The following IRAK4 variants were observed in gnomAD, a reference collection of about 807,000 sequenced individuals.
IRAK4 encodes interleukin-1 receptor-associated kinase 4.
Under a neutral mutation model 51.8 loss-of-function variants are expected in IRAK4, and 44 were observed. The ratio of observed to expected loss-of-function variants is 0.85; its 90% CI spans 0.67 to 1.09. The LOEUF is 1.09. Ranked by LOEUF, IRAK4 falls within the 50% of genes least tolerant of loss-of-function variation. The probability of loss-of-function intolerance (pLI) is 0.00; values close to 1 mark genes in which losing one functional copy is unlikely to be tolerated. For synonymous variants in IRAK4, 149 were observed against 174.1 expected (o/e 0.86, Z 1.13); for missense variants, 487 against 538.0 (o/e 0.91, Z 0.94).
chr12:43,778,378 T>C (rs543029789), intron 8 of IRAK4, 76 bp downstream of exon 8: 10 of 815,636 alleles, frequency 1.2e-5, no homozygotes, highest in South Asian at 9.7e-5. Context: ...TCACGATTCA[T>C]ATGCAGGTCT....
At chr12:43,785,721 T>G (rs1034577620) in intron 10 of IRAK4, among the ~76,000 whole-genome samples, 34 of 151,356 alleles carry the variant, frequency 2.2e-4, no homozygotes, top group South Asian at 2.1e-4. Context: ...TTAGGCAGTT[T>G]CATTGTGTGA....
chr12:43,782,556 A>G, intron 9 of IRAK4, 66 bp downstream of exon 9: 2 of 1,278,994 alleles, frequency 1.6e-6, no homozygotes, highest in Non-Finnish European at 2.2e-6. Flanking sequence ...TGAAGAGAAT[A>G]TTATTTAATA....
intron 5 of IRAK4, among the ~76,000 whole-genome samples, chr12:43,773,290 C>G (rs4251475): frequency 0.039 from 5,880 of 152,208 alleles, 164 homozygotes; most frequent in East Asian, 0.1. Flanking sequence ...CAAGATCATA[C>G]ATACAATTTT....
At position 43,772,990 on chromosome 12, in the gene IRAK4, A is replaced by G. The variant is rs1171529817; in HGVS notation, c.569A>G (p.Asn190Ser). The change falls in exon 5 of 12, where the codon AAT becomes AGT. Residue 190 changes from asparagine to serine, a missense_variant. Transcript: ENST00000613694. ...FDERPISVGG[N>S]KMGEGGFGVV... is the part of the protein sequence containing the mutation. The stretch of plus-strand genomic sequence containing the variant: ...GAACGACCCATTTCTGTTGGTGGTA[A>G]TAAAATGGGAGAGGGAGGATTTGGA... The G allele has an allele frequency of 1.9e-6, 3 of 1,612,544 alleles. No homozygotes were observed. Among genetic ancestry groups the G allele is most frequent in the East Asian group, 2.2e-5 (1 of 44,786 alleles).
At chr12:43,783,173 G>A (rs117691154) in intron 9 of IRAK4, among the ~76,000 whole-genome samples, 529 of 152,186 alleles carry the variant, frequency 3.5e-3, no homozygotes, top group Non-Finnish European at 6.2e-3. Context: ...GGTGAGAAAT[G>A]CCCAAAGCTC....
Position 43,783,671 on chromosome 12 carries a change from GA to G in IRAK4, c.1138del (p.Ile380Ter). ...TTTTTTGTCTTCATAGGTTTTACTAGAAATAATAACTGGACTTCCAGCTGTG... is the reference window on the plus strand; with the variant it reads ...TTTTTTGTCTTCATAGGTTTTACTAGAATAATAACTGGACTTCCAGCTGTG... ...DIYSFGVVLL[E>X]IITGLPAVDE... On this transcript the variant is annotated frameshift_variant, in exon 10 of 12. Coordinates refer to ENST00000613694, the MANE Select transcript of IRAK4 (RefSeq NM_016123.4). LOFTEE classifies it high-confidence loss of function. 6.2e-7 allele frequency: 1 copy of G among 1,602,230 alleles called. No individual in the cohort carries two copies. The highest frequency in any genetic ancestry group is 8.5e-7 in the Non-Finnish European group (1 of 1,169,984).
chr12:43,760,084 G>A (rs1156715084), intron 1 of IRAK4, among the ~76,000 whole-genome samples: 2 of 152,148 alleles, frequency 1.3e-5, no homozygotes, highest in African/African-American at 4.8e-5. Flanking sequence ...TTCCTGCAGA[G>A]CGTTCATTTG....
chr12:43,786,633 G>A (rs950509911), intron 11 of IRAK4, 47 bp from the exon 12 acceptor site: 2 of 1,609,548 alleles, frequency 1.2e-6, no homozygotes, highest in African/African-American at 1.3e-5. Flanking sequence ...ATATTTTAAA[G>A]CAACTGTATA....
intron 8 of IRAK4, among the ~76,000 whole-genome samples, chr12:43,779,143 A>C (rs1941556466): frequency 6.6e-6 from 1 of 152,294 alleles, no homozygotes; most frequent in South Asian, 2.1e-4. Flanking sequence ...GCATGCCTAC[A>C]GTTCCAGACA....
rs985988880 is a variant in IRAK4 at position 43,785,816 on chromosome 12, C to T, written c.1189-583C>T. Among the ~76,000 whole-genome samples, 12 of 151,756 alleles carry T rather than the reference C, an allele frequency of 7.9e-5. No homozygotes were observed. In the East Asian group the frequency reaches 1.9e-3, roughly 24 times the overall value. On this transcript the variant is annotated intron_variant, in intron 10 of 11. Transcript: ENST00000613694. ...TATGGTATTGCTCCTAGGCTACAAA[C>T]GTATGCTATACAGCATAATACTCTC...
chr12:43,782,678 AT>A lies in IRAK4; in HGVS notation c.1125+193del, dbSNP rs537924616. On this transcript the variant is annotated intron_variant, in intron 9 of 11. Transcript: ENST00000613694. ...TCCAATGTGTAAAACTTTTGAGTTGATTTTTGAAATGACTACAAGAAATGAT... is the reference window on the plus strand; with the variant it reads ...TCCAATGTGTAAAACTTTTGAGTTGATTTTGAAATGACTACAAGAAATGAT... 3.2e-4 allele frequency among the ~76,000 whole-genome samples: 49 copies of A among 152,310 alleles called. No homozygotes were observed. In the East Asian group the frequency reaches 8.7e-3, roughly 27 times the overall value.
rs1942404158 is a variant in IRAK4 at position 43,789,212 on chromosome 12, T to C, written c.*2497T>C. ...TGGGGCCTGATGGGAAGTGTTTGGG[T>C]CATGGTGGATGATCCCTCATGAATG... On this transcript the variant is annotated 3_prime_UTR_variant, in exon 12 of 12. Transcript: ENST00000613694. 6.6e-6 allele frequency: 1 copy of C among 152,074 alleles called. No individual in the cohort carries two copies. Among genetic ancestry groups the C allele is most frequent in the African/African-American group, 2.4e-5 (1 of 41,376 alleles). 9.4% of individuals were successfully genotyped at this position (152,074 alleles called of 1,614,324 possible).
Position 43,779,899 on chromosome 12 carries a change from T to C in IRAK4, c.941+1597T>C, listed in dbSNP as rs147445601. On this transcript the variant is annotated intron_variant, in intron 8 of 11. Coordinates refer to ENST00000613694, the MANE Select transcript of IRAK4 (RefSeq NM_016123.4). ...TGTATTACTTGCATACAGGTGATAA[T>C]TGAAGTGACTGTATTCACTTGAGGG... 3.8e-3 allele frequency among the ~76,000 whole-genome samples: 577 copies of C among 152,256 alleles called. 5 individuals are homozygous for C. Among genetic ancestry groups the C allele is most frequent in the African/African-American group, 0.013 (549 of 41,538 alleles).
At position 43,786,906 on chromosome 12, in the gene IRAK4, C is replaced by T. The variant is rs879661524; in HGVS notation, c.*191C>T. The T allele has an allele frequency of 3.7e-5, 22 of 600,260 alleles. No homozygotes were observed. Among genetic ancestry groups the T allele is most frequent in the Non-Finnish European group, 5.9e-5 (20 of 339,894 alleles). The allele number at this position is 600,260 out of a possible 1,614,324, so 37.2% of individuals were successfully genotyped here. A position where few individuals can be genotyped will look rare whatever the true frequency, so the allele number is the denominator to read the frequency against. ...CCACCATATCAACACTTAGCCCTACCCATTAGTATCACCCCCAGTTCTTAC... is the reference window on the plus strand; with the variant it reads ...CCACCATATCAACACTTAGCCCTACTCATTAGTATCACCCCCAGTTCTTAC... On this transcript the variant is annotated 3_prime_UTR_variant, in exon 12 of 12. Transcript: ENST00000613694.
At chr12:43,778,422 T>C (rs1941489194) in intron 8 of IRAK4, 120 bp downstream of exon 8, 1 of 682,892 alleles carries the variant, frequency 1.5e-6, no homozygotes, top group African/African-American at 1.8e-5. Flanking sequence ...TTCCCATCAC[T>C]CCATGAAAGC....
Position 43,786,887 on chromosome 12 carries a change from T to C in IRAK4, c.*172T>C. ...CCAAAATATAAAAATAGAGCCACCA[T>C]ATCAACACTTAGCCCTACCCATTAG... On this transcript the variant is annotated 3_prime_UTR_variant, in exon 12 of 12. Coordinates refer to ENST00000613694, the MANE Select transcript of IRAK4 (RefSeq NM_016123.4). 1.6e-6 allele frequency: 1 copy of C among 627,304 alleles called. No individual in the cohort carries two copies. The highest frequency in any genetic ancestry group is 2.0e-5 in the South Asian group (1 of 50,298). 38.9% of individuals were successfully genotyped at this position (627,304 alleles called of 1,614,324 possible). A position where few individuals can be genotyped will look rare whatever the true frequency, so the allele number is the denominator to read the frequency against.
At chr12:43,762,897 GTA>G (rs1478960008) in intron 1 of IRAK4, among the ~76,000 whole-genome samples, 7 of 152,270 alleles carry the variant, frequency 4.6e-5, no homozygotes, top group African/African-American at 1.4e-4. Flanking sequence ...AAATATATCT[GTA>G]TTTAAACCTC....
intron 6 of IRAK4, among the ~76,000 whole-genome samples, chr12:43,776,001 C>A (rs1327993519): frequency 6.6e-6 from 1 of 151,508 alleles, no homozygotes. Context: ...CCCGCCTCAG[C>A]CTCCAGAGTA....
At chr12:43,784,074 G>GA (rs869119293) in intron 10 of IRAK4, among the ~76,000 whole-genome samples, 1 of 151,070 alleles carries the variant, frequency 6.6e-6, no homozygotes. Context: ...TCAGAGGGGG[G>GA]AAAAAAAAGG....
Sources: gnomAD v4.1 joint callset for allele counts (sites outside exome capture counted in the v4.1 genomes callset) on GRCh38, gnomAD v4.1.1 for gene constraint, MANE v1.5 for transcripts, NCBI Gene and HGNC (gene_info 2026-07-23, HGNC 2026-07-21) for gene names.